The following MBOAT2 variants were observed in gnomAD, a reference collection of about 807,000 sequenced individuals.
The protein encoded by MBOAT2 is membrane-bound glycerophospholipid O-acyltransferase 2.
MBOAT2 carries 28 observed loss-of-function variants against 63.4 expected under a neutral mutation model. The observed-to-expected ratio is 0.44, with a 90% confidence interval of 0.33 to 0.61. MBOAT2 has a LOEUF of 0.61. Ranked by LOEUF, MBOAT2 falls within the 20% of genes least tolerant of loss-of-function variation. MBOAT2 has a pLI of 0.03. For synonymous variants in MBOAT2, 211 were observed against 215.6 expected (o/e 0.98, Z 0.19); for missense variants, 470 against 605.8 (o/e 0.78, Z 2.35).
chr2:8,900,857 CA>C (rs1664869588), intron 4 of MBOAT2, among the ~76,000 whole-genome samples: 1 of 152,218 alleles, frequency 6.6e-6, no homozygotes, highest in South Asian at 2.1e-4. Context: ...CTCTGGTGGC[CA>C]TTTTTCCCCA....
At chr2:8,961,780 C>T (rs748207535) in intron 1 of MBOAT2, among the ~76,000 whole-genome samples, 3 of 152,150 alleles carry the variant, frequency 2.0e-5, no homozygotes, top group African/African-American at 4.8e-5. Context: ...AATCTCCACC[C>T]GCAGGGGGCA....
At chr2:8,902,200 G>T (rs556748444) in intron 4 of MBOAT2, among the ~76,000 whole-genome samples, 2 of 152,200 alleles carry the variant, frequency 1.3e-5, no homozygotes, top group Non-Finnish European at 2.9e-5. Flanking sequence ...GTAGTCCAGC[G>T]GCCGTGCTAG....
At chr2:8,872,734 C>G (rs1662416495) in intron 8 of MBOAT2, among the ~76,000 whole-genome samples, 5 of 152,106 alleles carry the variant, frequency 3.3e-5, no homozygotes, top group Non-Finnish European at 7.3e-5. Context: ...GGCTAATGGT[C>G]TATTTAACAG....
intron 1 of MBOAT2, 31 bp from the exon 2 acceptor site, chr2:8,958,673 C>A (rs1558656665): frequency 6.7e-7 from 1 of 1,499,200 alleles, no homozygotes; most frequent in Non-Finnish European, 8.9e-7. Flanking sequence ...TTTGTATTAG[C>A]AACACAGACC....
At chr2:8,944,408 T>C (rs923067157) in intron 2 of MBOAT2, among the ~76,000 whole-genome samples, 1 of 152,206 alleles carries the variant, frequency 6.6e-6, no homozygotes, top group Admixed American at 6.5e-5. Context: ...TAAAGTACTT[T>C]ATTTTTTTTC....
rs1001713841 is a variant in MBOAT2 at position 8,857,582 on chromosome 2, A to G, written c.*1097T>C. The G allele has an allele frequency of 5.3e-5, 8 of 152,206 alleles. No individual in the cohort carries two copies. The highest frequency in any genetic ancestry group is 2.0e-4 in the Admixed American group (3 of 15,282). 9.4% of individuals were successfully genotyped at this position (152,206 alleles called of 1,614,324 possible). ...CCAGACTCAGTGACTTTTATTTTTC[A>G]TTTCCCTAAAAGTTTCCCAAATATG... is the stretch of plus-strand genomic sequence containing the variant. On this transcript the variant is annotated 3_prime_UTR_variant, in exon 13 of 13. Transcript: ENST00000305997.
At chr2:8,975,160 T>A (rs574985122) in intron 1 of MBOAT2, among the ~76,000 whole-genome samples, 1 of 152,300 alleles carries the variant, frequency 6.6e-6, no homozygotes, top group African/African-American at 2.4e-5. Flanking sequence ...CTGAATTATT[T>A]ACTGCACTTG....
At chr2:8,978,289 A>G (rs1215232792) in intron 1 of MBOAT2, among the ~76,000 whole-genome samples, 2 of 152,100 alleles carry the variant, frequency 1.3e-5, no homozygotes, top group African/African-American at 4.8e-5. Context: ...ATGCACACAG[A>G]TGTTTCACCA....
chr2:8,882,652 T>A, intron 5 of MBOAT2, 87 bp from the exon 6 acceptor site: 1 of 1,180,250 alleles, frequency 8.5e-7, no homozygotes, highest in Middle Eastern at 1.9e-4. Context: ...ACTTTCCTCA[T>A]TTGAAATTCA....
At chr2:8,986,466 G>C (rs1671574726) in intron 1 of MBOAT2, among the ~76,000 whole-genome samples, 1 of 152,034 alleles carries the variant, frequency 6.6e-6, no homozygotes, top group African/African-American at 2.4e-5. Flanking sequence ...AGGAGACTGA[G>C]GTGGGAGGAT....
At chr2:8,952,582 T>C (rs192467215) in intron 2 of MBOAT2, among the ~76,000 whole-genome samples, 5 of 152,348 alleles carry the variant, frequency 3.3e-5, no homozygotes, top group Admixed American at 2.0e-4. Flanking sequence ...ACCTGTCTTA[T>C]CAATCTAAGT....
chr2:8,984,988 C>A (rs557832687), intron 1 of MBOAT2, among the ~76,000 whole-genome samples: 1 of 152,116 alleles, frequency 6.6e-6, no homozygotes, highest in Non-Finnish European at 1.5e-5. Context: ...GGCGGCTACA[C>A]AGAATGCAGC....
chr2:8,922,133 T>C (rs1666613714), intron 3 of MBOAT2, among the ~76,000 whole-genome samples: 1 of 152,216 alleles, frequency 6.6e-6, no homozygotes, highest in Non-Finnish European at 1.5e-5. Flanking sequence ...ACTGATGCTT[T>C]GGCCATTGCA....
intron 2 of MBOAT2, among the ~76,000 whole-genome samples, chr2:8,948,128 A>C (rs1668553543): frequency 6.6e-6 from 1 of 152,232 alleles, no homozygotes; most frequent in Non-Finnish European, 1.5e-5. Flanking sequence ...TCAAGACTTC[A>C]GTGGAGGAAA....
intron 2 of MBOAT2, among the ~76,000 whole-genome samples, chr2:8,956,063 C>CA (rs374495969): frequency 1.3e-5 from 2 of 151,802 alleles, no homozygotes; most frequent in Admixed American, 6.6e-5. Flanking sequence ...ACTGGGAAAC[C>CA]AAAAAAATTT....
chr2:8,952,757 T>C (rs1573151164), intron 2 of MBOAT2, among the ~76,000 whole-genome samples: 2 of 150,966 alleles, frequency 1.3e-5, no homozygotes, highest in Admixed American at 6.6e-5. Context: ...TTTTTTTTAC[T>C]GTTGCCGGTT....
At position 9,003,495 on chromosome 2, in the gene MBOAT2, GGGC is replaced by G; in HGVS notation, c.75+42_75+44del. On this transcript the variant is annotated intron_variant, in intron 1 of 12. Transcript: ENST00000305997. This position sits in a 1 kb window ranked among gnomAD's most constrained non-coding sequence, Gnocchi z 5.4. ...GGTCGGGTGGCACCGCGGCGGGGAG[GGGC>G]GGCGAGGGCGCGACGCCCGGCGCCA... The G allele has an allele frequency of 8.7e-7, 1 of 1,153,434 alleles. No homozygotes were observed. Among genetic ancestry groups the G allele is most frequent in the Non-Finnish European group, 1.1e-6 (1 of 933,908 alleles). 71.4% of individuals were successfully genotyped at this position (1,153,434 alleles called of 1,614,324 possible). A position where few individuals can be genotyped will look rare whatever the true frequency, so the allele number is the denominator to read the frequency against.
chr2:8,901,092 G>A (rs1664887301), intron 4 of MBOAT2, among the ~76,000 whole-genome samples: 1 of 152,152 alleles, frequency 6.6e-6, no homozygotes, highest in African/African-American at 2.4e-5. Context: ...GGACCCTGCT[G>A]ATCGGAATAG....
At chr2:8,920,166 T>G (rs1666473910) in intron 3 of MBOAT2, among the ~76,000 whole-genome samples, 1 of 152,174 alleles carries the variant, frequency 6.6e-6, no homozygotes, top group African/African-American at 2.4e-5. Context: ...TTCTGAAGTT[T>G]TATAGGTTTA....
Sources: gnomAD v4.1 joint callset for allele counts (sites outside exome capture counted in the v4.1 genomes callset) on GRCh38, gnomAD v4.1.1 for gene constraint, Gnocchi (gnomAD v3.1) non-coding constraint, MANE v1.5 for transcripts, NCBI Gene and HGNC (gene_info 2026-07-23, HGNC 2026-07-21) for gene names.